AMBRA1: variants seen among roughly 807,000 people sequenced by gnomAD.
AMBRA1 encodes the protein activating molecule in BECN1-regulated autophagy protein 1.
In AMBRA1, 47 loss-of-function variants were observed where a neutral mutation model predicts 125.4. The observed-to-expected ratio is 0.37, with a 90% confidence interval of 0.30 to 0.48. The LOEUF (loss-of-function observed/expected upper bound fraction) is 0.48. Ranked by LOEUF, AMBRA1 falls within the 20% of genes least tolerant of loss-of-function variation. The pLI, the probability that AMBRA1 is intolerant of heterozygous loss-of-function variation, is 0.99. For synonymous variants in AMBRA1, 626 were observed against 655.5 expected, an observed-to-expected ratio of 0.95 and a Z score of 0.69; for missense variants, 1,331 against 1,693.4, an observed-to-expected ratio of 0.79 and a Z score of 3.76.
chr11:46,591,596 C>A (rs945052377), intron 1 of AMBRA1, among the ~76,000 whole-genome samples: 11 of 152,152 alleles, frequency 7.2e-5, no homozygotes, highest in Admixed American at 3.3e-4. Context: ...GTGGCTCATA[C>A]CTGTAATCCC....
intron 1 of AMBRA1, among the ~76,000 whole-genome samples, chr11:46,550,545 T>C (rs2042960385): frequency 1.3e-5 from 2 of 152,234 alleles, no homozygotes; most frequent in South Asian, 2.1e-4. Flanking sequence ...TCATTGATGA[T>C]TCTCTCTTGT....
chr11:46,565,507 G>A (rs1236899224), intron 1 of AMBRA1, among the ~76,000 whole-genome samples: 7 of 151,940 alleles, frequency 4.6e-5, no homozygotes, highest in African/African-American at 1.7e-4. Context: ...AAGAGTTCAA[G>A]ACCAGCCTGG....
chr11:46,457,291 G>A (rs1024441969), intron 11 of AMBRA1, among the ~76,000 whole-genome samples: 4 of 152,166 alleles, frequency 2.6e-5, no homozygotes, highest in Non-Finnish European at 4.4e-5. Flanking sequence ...ATTACCCAGC[G>A]ACAGACAGGC....
chr11:46,494,860 C>A (rs746172240), intron 9 of AMBRA1: 4 of 152,198 alleles, frequency 2.6e-5, no homozygotes, highest in Admixed American at 6.5e-5. Context: ...GTTAACAGTC[C>A]ATGCAATAGT....
At chr11:46,516,942 A>G (rs1054871292) in intron 7 of AMBRA1, among the ~76,000 whole-genome samples, 1 of 152,030 alleles carries the variant, frequency 6.6e-6, no homozygotes, top group Non-Finnish European at 1.5e-5. Flanking sequence ...CTGAAGCTGA[A>G]GAAAAAAAAA....
At chr11:46,430,403 T>C (rs1947399508) in intron 14 of AMBRA1, among the ~76,000 whole-genome samples, 2 of 152,322 alleles carry the variant, frequency 1.3e-5, no homozygotes, top group Non-Finnish European at 1.5e-5. Context: ...AATCTTGTTT[T>C]AAAAATACTA....
At chr11:46,412,604 A>G (rs1180522734) in intron 15 of AMBRA1, among the ~76,000 whole-genome samples, 1 of 151,842 alleles carries the variant, frequency 6.6e-6, no homozygotes, top group Non-Finnish European at 1.5e-5. Flanking sequence ...TGTATTGTTA[A>G]TTTTCACTGT....
At chr11:46,584,523 T>C (rs2044298305) in intron 1 of AMBRA1, among the ~76,000 whole-genome samples, 2 of 150,900 alleles carry the variant, frequency 1.3e-5, no homozygotes, top group Non-Finnish European at 1.5e-5. Flanking sequence ...TGAAGTATAA[T>C]AATAATAATA....
At chr11:46,577,167 A>G (rs1204570404) in intron 1 of AMBRA1, among the ~76,000 whole-genome samples, 1 of 152,258 alleles carries the variant, frequency 6.6e-6, no homozygotes, top group East Asian at 1.9e-4. Flanking sequence ...TGCATGTTCA[A>G]AGCAACACTA....
rs140403922 is a variant in AMBRA1 at position 46,408,038 on chromosome 11, T to C, written c.3403+475A>G. Among the ~76,000 whole-genome samples the C allele has an allele frequency of 6.2e-3, 949 of 152,222 alleles. 5 individuals are homozygous for C. Among genetic ancestry groups the C allele is most frequent in the African/African-American group, 0.021 (876 of 41,520 alleles). On this transcript the variant is annotated intron_variant, in intron 17 of 17. Transcript: ENST00000683756. ...CCTGAAATAGGTGAGAGGAAGGGGC[T>C]GATGATAGGCCAGGCTGCAGCCAAA...
At chr11:46,518,774 GAAT>G (rs1318375889) in intron 7 of AMBRA1, among the ~76,000 whole-genome samples, 4 of 152,098 alleles carry the variant, frequency 2.6e-5, no homozygotes. Flanking sequence ...CATCAAAAAT[GAAT>G]ATTAAGCTCT....
chr11:46,461,934 GAAGA>G (rs988378749), intron 11 of AMBRA1, among the ~76,000 whole-genome samples: 6 of 152,264 alleles, frequency 3.9e-5, no homozygotes, highest in African/African-American at 1.2e-4. Flanking sequence ...ACCCTGAAAA[GAAGA>G]AAGACTTAAT....
chr11:46,565,624 T>G (rs955394144), intron 1 of AMBRA1, among the ~76,000 whole-genome samples: 2 of 152,044 alleles, frequency 1.3e-5, no homozygotes, highest in African/African-American at 4.8e-5. Flanking sequence ...GCAGGATCAC[T>G]TCAGCCTGAG....
intron 1 of AMBRA1, among the ~76,000 whole-genome samples, chr11:46,583,441 G>A (rs1284767706): frequency 6.6e-6 from 1 of 151,508 alleles, no homozygotes; most frequent in Middle Eastern, 3.4e-3. Flanking sequence ...ATAGGCATGG[G>A]AAAGGACTTC....
chr11:46,423,336 A>G lies in AMBRA1; in HGVS notation c.2977-5284T>C, dbSNP rs184936787. Among the ~76,000 whole-genome samples the G allele has an allele frequency of 3.2e-4, 48 of 152,264 alleles. No individual in the cohort carries two copies. The Middle Eastern group carries it at 0.01, about 32-fold the overall frequency. On this transcript the variant is annotated intron_variant, in intron 14 of 17. Coordinates refer to ENST00000683756, the MANE Select transcript of AMBRA1 (RefSeq NM_001387011.1). Reference sequence around the variant, plus strand: ...TACTGTCTCCAAACCTTTATATTCTATGTTGGAATTCAGAATTCACAAAAT... The same window carrying G: ...TACTGTCTCCAAACCTTTATATTCTGTGTTGGAATTCAGAATTCACAAAAT...
At chr11:46,501,144 C>G (rs555756594) in intron 9 of AMBRA1, among the ~76,000 whole-genome samples, 3 of 152,304 alleles carry the variant, frequency 2.0e-5, no homozygotes, top group Non-Finnish European at 4.4e-5. Flanking sequence ...ACAGCTGGTA[C>G]TCAAATAATG....
chr11:46,418,831 A>G (rs146645876), intron 14 of AMBRA1, among the ~76,000 whole-genome samples: 4 of 152,256 alleles, frequency 2.6e-5, no homozygotes, highest in Non-Finnish European at 5.9e-5. Flanking sequence ...TTGCTTTTAA[A>G]TTAACTCCCT....
At chr11:46,527,054 A>T (rs1037984133) in intron 7 of AMBRA1, among the ~76,000 whole-genome samples, 2 of 152,190 alleles carry the variant, frequency 1.3e-5, no homozygotes, top group Non-Finnish European at 2.9e-5. Context: ...ATTTAGAAAG[A>T]CTTGCACTCT....
At chr11:46,481,320 T>A (rs1950057347) in intron 11 of AMBRA1, among the ~76,000 whole-genome samples, 1 of 152,196 alleles carries the variant, frequency 6.6e-6, no homozygotes, top group Non-Finnish European at 1.5e-5. Flanking sequence ...GGGGAAAGGA[T>A]CTGCGACAAG....
Sources: allele counts gnomAD v4.1 joint callset (sites outside exome capture counted in the v4.1 genomes callset), GRCh38; gene constraint gnomAD v4.1.1; transcripts MANE v1.5; gene names NCBI Gene and HGNC (gene_info 2026-07-23, HGNC 2026-07-21).